Variants in PTPRD observed in about 807,000 individuals in gnomAD.
The protein encoded by PTPRD is receptor-type tyrosine-protein phosphatase delta.
PTPRD carries 34 observed loss-of-function variants against 214.5 expected under a neutral mutation model. That is an observed-to-expected ratio of 0.16 (90% CI 0.12 to 0.21). PTPRD has a LOEUF of 0.21. Ranked by LOEUF, PTPRD falls within the 10% of genes least tolerant of loss-of-function variation. The probability of loss-of-function intolerance (pLI) is 1.00; values close to 1 mark genes in which losing one functional copy is unlikely to be tolerated. For synonymous variants in PTPRD, 1,128 were observed against 845.7 expected (o/e 1.33, Z -5.79); for missense variants, 2,545 against 2,398.7 (o/e 1.06, Z -1.27).
At chr9:8,882,477 T>C (rs1224159825) in intron 11 of PTPRD, among the ~76,000 whole-genome samples, 1 of 152,188 alleles carries the variant, frequency 6.6e-6, no homozygotes, top group Non-Finnish European at 1.5e-5. Context: ...GTGTGAAAAG[T>C]ACCTAGCAGA....
intron 41 of PTPRD, 106 bp downstream of exon 41, chr9:8,340,984 C>A: frequency 8.5e-7 from 1 of 1,175,242 alleles, no homozygotes; most frequent in Non-Finnish European, 1.2e-6. Context: ...ATGACCTATG[C>A]AGAAAGAAAA....
intron 4 of PTPRD, among the ~76,000 whole-genome samples, chr9:9,986,084 C>G (rs1295263307): frequency 6.6e-6 from 1 of 152,112 alleles, no homozygotes; most frequent in African/African-American, 2.4e-5. Context: ...AAACTGTATT[C>G]ATTAAGCAAA....
At position 10,378,912 on chromosome 9, in the gene PTPRD, G is replaced by A. The variant is rs558476556; in HGVS notation, c.-599-37895C>T. Among the ~76,000 whole-genome samples the A allele has an allele frequency of 1.2e-3, 188 of 151,956 alleles. 1 individual carries two copies. The highest frequency in any genetic ancestry group is 3.5e-3 in the African/African-American group (144 of 41,472). On this transcript the variant is annotated intron_variant, in intron 2 of 45. Coordinates refer to ENST00000381196, the MANE Select transcript of PTPRD (RefSeq NM_002839.4). ...ATCTGTAGATGACTTTGGGTAGTACGGACATTTTAATAATATTGATTCTTC... is the reference window on the plus strand; with the variant it reads ...ATCTGTAGATGACTTTGGGTAGTACAGACATTTTAATAATATTGATTCTTC...
chr9:9,256,903 C>T (rs755917271), intron 9 of PTPRD, among the ~76,000 whole-genome samples: 1 of 151,972 alleles, frequency 6.6e-6, no homozygotes, highest in Non-Finnish European at 1.5e-5. Context: ...TTCTGTATTT[C>T]CCTTCCAGGA....
At chr9:8,522,675 C>A (rs2097914465) in intron 19 of PTPRD, among the ~76,000 whole-genome samples, 1 of 152,050 alleles carries the variant, frequency 6.6e-6, no homozygotes, top group African/African-American at 2.4e-5. Flanking sequence ...AGATAATCTG[C>A]AGGTTTATGT....
At chr9:8,890,467 T>A (rs558877721) in intron 11 of PTPRD, among the ~76,000 whole-genome samples, 3 of 152,236 alleles carry the variant, frequency 2.0e-5, no homozygotes, top group Non-Finnish European at 4.4e-5. Context: ...CCTGAAGACT[T>A]GCAAGTGACA....
At chr9:9,278,877 C>T (rs1946629707) in intron 9 of PTPRD, among the ~76,000 whole-genome samples, 1 of 151,276 alleles carries the variant, frequency 6.6e-6, no homozygotes, top group Admixed American at 6.6e-5. Flanking sequence ...ACACACACAG[C>T]ATTTTGATTA....
intron 35 of PTPRD, among the ~76,000 whole-genome samples, chr9:8,408,064 C>G (rs942676824): frequency 6.6e-6 from 1 of 152,164 alleles, no homozygotes; most frequent in African/African-American, 2.4e-5. Context: ...TGGTGACAGA[C>G]ACAGTTGCTT....
chr9:10,300,852 A>G (rs2095842311), intron 3 of PTPRD, among the ~76,000 whole-genome samples: 1 of 152,098 alleles, frequency 6.6e-6, no homozygotes, highest in Non-Finnish European at 1.5e-5. Context: ...AGCAGACTTA[A>G]ACATTCCTGC....
chr9:8,939,008 T>C (rs1383636055), intron 11 of PTPRD, among the ~76,000 whole-genome samples: 3 of 152,186 alleles, frequency 2.0e-5, no homozygotes, highest in Non-Finnish European at 4.4e-5. Flanking sequence ...TGAAGTATGT[T>C]AATGTTAAGG....
At chr9:9,759,553 G>GTTTTTTTTTTT (rs1597016286) in intron 6 of PTPRD, among the ~76,000 whole-genome samples, 1 of 130,756 alleles carries the variant, frequency 7.6e-6, no homozygotes. Context: ...GTCAAGGTCT[G>GTTTTTTTTTTT]TCTTTTTTTT....
intron 3 of PTPRD, among the ~76,000 whole-genome samples, chr9:10,120,595 G>A (rs946367419): frequency 6.6e-6 from 1 of 151,828 alleles, no homozygotes; most frequent in Non-Finnish European, 1.5e-5. Context: ...TAGACACTTA[G>A]AGAAATATTA....
intron 11 of PTPRD, among the ~76,000 whole-genome samples, chr9:8,946,273 A>G (rs528726582): frequency 6.6e-6 from 1 of 152,246 alleles, no homozygotes; most frequent in South Asian, 2.1e-4. Context: ...AACTGATAGT[A>G]GTCATCATGG....
At chr9:10,539,344 C>T (rs537155977) in intron 2 of PTPRD, among the ~76,000 whole-genome samples, 5 of 152,192 alleles carry the variant, frequency 3.3e-5, no homozygotes, top group East Asian at 3.9e-4. Context: ...GCCATCATGC[C>T]GGGCTAATTT....
chr9:8,752,085 G>A (rs1025313673), intron 11 of PTPRD, among the ~76,000 whole-genome samples: 2 of 152,176 alleles, frequency 1.3e-5, no homozygotes, highest in African/African-American at 4.8e-5. Context: ...CGCTGTCAGA[G>A]ATGTGTGAAC....
intron 3 of PTPRD, among the ~76,000 whole-genome samples, chr9:10,248,036 CCT>C (rs772638618): frequency 2.4e-4 from 36 of 152,032 alleles, no homozygotes; most frequent in Non-Finnish European, 4.4e-4. Flanking sequence ...CTGTGCAAGC[CCT>C]CTCTCTTGCC....
At chr9:8,340,947 A>G in intron 41 of PTPRD, 143 bp downstream of exon 41, 3 of 845,720 alleles carry the variant, frequency 3.5e-6, no homozygotes, top group South Asian at 2.7e-5. Flanking sequence ...CAAAATAACA[A>G]AAAAACAAAT....
chr9:9,441,628 G>A (rs2087863560), intron 8 of PTPRD, among the ~76,000 whole-genome samples: 1 of 151,988 alleles, frequency 6.6e-6, no homozygotes, highest in Non-Finnish European at 1.5e-5. Context: ...TATCTGCCAG[G>A]CTATCAATAT....
chr9:8,373,824 GTATGTATGTA>G (rs1433127371), intron 39 of PTPRD, among the ~76,000 whole-genome samples: 163 of 101,130 alleles, frequency 1.6e-3, no homozygotes, highest in African/African-American at 9.8e-3. Flanking sequence ...ATGTATGTAT[GTATGTATGTA>G]TGTATGTATG....
Sources: gnomAD v4.1 joint callset for allele counts (sites outside exome capture counted in the v4.1 genomes callset) on GRCh38, gnomAD v4.1.1 for gene constraint, MANE v1.5 for transcripts, NCBI Gene and HGNC (gene_info 2026-07-23, HGNC 2026-07-21) for gene names.